EYA4: variants seen among roughly 807,000 people sequenced by gnomAD.
The protein encoded by EYA4 is EYA transcriptional coactivator and phosphatase 4.
In EYA4, 31 loss-of-function variants were observed where a neutral mutation model predicts 87.9. The observed-to-expected ratio is 0.35, with a 90% CI of 0.27 to 0.48. The LOEUF is 0.48. Among genes scored for constraint, EYA4 ranks in the 20% least tolerant of loss-of-function variants. EYA4 has a pLI of 0.99. For synonymous variants in EYA4, 263 were observed against 270.6 expected, an observed-to-expected ratio of 0.97 and a Z score of 0.28; for missense variants, 678 against 761.4, an observed-to-expected ratio of 0.89 and a Z score of 1.29.
At chr6:133,293,791 G>A (rs1332267602) in intron 2 of EYA4, among the ~76,000 whole-genome samples, 3 of 151,312 alleles carry the variant, frequency 2.0e-5, no homozygotes, top group Non-Finnish European at 4.4e-5. Flanking sequence ...ACAAAAATTA[G>A]ACAGGCATGG....
intron 13 of EYA4, among the ~76,000 whole-genome samples, chr6:133,490,792 A>C (rs1277809176): frequency 3.9e-5 from 6 of 152,194 alleles, no homozygotes; most frequent in African/African-American, 1.4e-4. Flanking sequence ...AACATTGGGC[A>C]CATCATCCAG....
At chr6:133,383,846 A>G (rs1442013976) in intron 3 of EYA4, among the ~76,000 whole-genome samples, 3 of 152,192 alleles carry the variant, frequency 2.0e-5, no homozygotes, top group Non-Finnish European at 4.4e-5. Flanking sequence ...ATGTTTTCCT[A>G]CAAAGCAGAG....
At chr6:133,260,341 G>A (rs142468253) in intron 1 of EYA4, among the ~76,000 whole-genome samples, 6,257 of 152,094 alleles carry the variant, frequency 0.041, 385 homozygotes, top group African/African-American at 0.14. Context: ...GGGTTCAGGC[G>A]ATTCTCCTGC....
intron 10 of EYA4, among the ~76,000 whole-genome samples, chr6:133,466,307 A>G (rs1440217471): frequency 2.0e-5 from 3 of 152,176 alleles, no homozygotes; most frequent in Non-Finnish European, 4.4e-5. Flanking sequence ...ATCATAGAAC[A>G]GATCTGATTC....
At chr6:133,304,927 G>A (rs1207472432) in intron 2 of EYA4, among the ~76,000 whole-genome samples, 1 of 152,138 alleles carries the variant, frequency 6.6e-6, no homozygotes, top group African/African-American at 2.4e-5. Context: ...GAAATATACA[G>A]TCTGTTAAAT....
At chr6:133,250,176 G>T (rs1774770001) in intron 1 of EYA4, among the ~76,000 whole-genome samples, 1 of 152,180 alleles carries the variant, frequency 6.6e-6, no homozygotes, top group Admixed American at 6.5e-5. Context: ...GTGAATCCAG[G>T]CTTAGGTTAT....
chr6:133,460,817 A>G (rs1217156488), intron 6 of EYA4, among the ~76,000 whole-genome samples: 1 of 152,132 alleles, frequency 6.6e-6, no homozygotes, highest in Non-Finnish European at 1.5e-5. Context: ...TAATTACCCT[A>G]TAATCAAAGA....
chr6:133,306,592 A>C (rs1295510924), intron 2 of EYA4, among the ~76,000 whole-genome samples: 1 of 152,206 alleles, frequency 6.6e-6, no homozygotes, highest in Non-Finnish European at 1.5e-5. Context: ...CTGAATCTTT[A>C]ATTTGAAAAT....
intron 3 of EYA4, among the ~76,000 whole-genome samples, chr6:133,436,531 A>G (rs776492122): frequency 3.3e-5 from 5 of 152,228 alleles, no homozygotes; most frequent in African/African-American, 7.2e-5. Context: ...TTAGAAAACA[A>G]TCCTACCCTG....
chr6:133,303,011 A>T (rs374948061), intron 2 of EYA4, among the ~76,000 whole-genome samples: 1 of 152,252 alleles, frequency 6.6e-6, no homozygotes, highest in African/African-American at 2.4e-5. Context: ...CACAGCCAAT[A>T]TGTTAATGAA....
At chr6:133,499,364 C>A (rs537082905) in intron 13 of EYA4, among the ~76,000 whole-genome samples, 1 of 152,258 alleles carries the variant, frequency 6.6e-6, no homozygotes, top group Non-Finnish European at 1.5e-5. Context: ...CCCATCCTCC[C>A]AACATGGTAT....
At chr6:133,290,887 A>G (rs1448819212) in intron 2 of EYA4, among the ~76,000 whole-genome samples, 1 of 152,204 alleles carries the variant, frequency 6.6e-6, no homozygotes, top group Non-Finnish European at 1.5e-5. Flanking sequence ...AATATTTGGA[A>G]ATTAACATCA....
intron 17 of EYA4, among the ~76,000 whole-genome samples, chr6:133,516,556 CA>C (rs771877894): frequency 0.013 from 1,566 of 123,934 alleles, 26 homozygotes; most frequent in African/African-American, 0.038. Context: ...ACTAAAAATA[CA>C]AAAAAAAAAA....
chr6:133,420,188 G>A (rs976577125), intron 3 of EYA4, among the ~76,000 whole-genome samples: 2 of 151,234 alleles, frequency 1.3e-5, no homozygotes, highest in African/African-American at 4.9e-5. Flanking sequence ...ATTAAGAGAT[G>A]TTAATAGTGA....
intron 2 of EYA4, among the ~76,000 whole-genome samples, chr6:133,368,286 C>A (rs60877299): frequency 2.0e-5 from 3 of 152,168 alleles, no homozygotes; most frequent in Non-Finnish European, 4.4e-5. Context: ...GTTCCTACCT[C>A]GCCCCGCTTT....
At chr6:133,352,369 T>C (rs1783705441) in intron 2 of EYA4, among the ~76,000 whole-genome samples, 1 of 152,154 alleles carries the variant, frequency 6.6e-6, no homozygotes, top group African/African-American at 2.4e-5. Context: ...TGTTTTTTGT[T>C]ATGAGGAGGA....
intron 2 of EYA4, among the ~76,000 whole-genome samples, chr6:133,349,476 G>A (rs989148671): frequency 2.0e-5 from 3 of 152,176 alleles, no homozygotes; most frequent in Admixed American, 6.5e-5. Flanking sequence ...TTGAATTCAT[G>A]TATGAATAAA....
chr6:133,502,442 G>C (rs918076517), intron 13 of EYA4: 25 of 152,088 alleles, frequency 1.6e-4, no homozygotes, highest in African/African-American at 5.3e-4. Context: ...TATAAAACTT[G>C]GGTTCAATCC....
At chr6:133,405,979 T>C (rs1788666637) in intron 3 of EYA4, among the ~76,000 whole-genome samples, 2 of 152,036 alleles carry the variant, frequency 1.3e-5, no homozygotes, top group South Asian at 4.1e-4. Flanking sequence ...TGTAGTCAAC[T>C]GGAGAGCAGA....
Sources: allele counts gnomAD v4.1 joint callset (sites outside exome capture counted in the v4.1 genomes callset), GRCh38; gene constraint gnomAD v4.1.1; transcripts MANE v1.5; gene names NCBI Gene and HGNC (gene_info 2026-07-23, HGNC 2026-07-21).